Variants in HCN1 observed in about 807,000 individuals in gnomAD.
HCN1 encodes the protein hyperpolarization activated cyclic nucleotide gated potassium channel 1, also known as potassium/sodium hyperpolarization-activated cyclic nucleotide-gated channel 1.
A neutral mutation model predicts 78.9 loss-of-function variants in HCN1; 13 were observed. The ratio of observed to expected loss-of-function variants is 0.16; its 90% CI spans 0.11 to 0.26. The LOEUF (loss-of-function observed/expected upper bound fraction) is 0.26, where lower values mean the gene tolerates loss of function less well. Ranked by LOEUF, HCN1 falls within the 10% of genes least tolerant of loss-of-function variation. HCN1 has a pLI of 1.00. For missense variants in HCN1, 810 were observed against 1,154.3 expected (o/e 0.70, Z 4.32); for synonymous variants, 552 against 455.5 (o/e 1.21, Z -2.70).
At chr5:45,374,362 C>G (rs1747550278) in intron 4 of HCN1, among the ~76,000 whole-genome samples, 1 of 141,914 alleles carries the variant, frequency 7.0e-6, no homozygotes, top group African/African-American at 2.6e-5. Flanking sequence ...ACATATCCCT[C>G]AGAGAGATAT....
chr5:45,651,623 GT>G (rs1745677411), intron 1 of HCN1, among the ~76,000 whole-genome samples: 1 of 151,918 alleles, frequency 6.6e-6, no homozygotes, highest in South Asian at 2.1e-4. Flanking sequence ...TGATGATTTG[GT>G]ACATATGTTT....
chr5:45,625,060 A>C (rs557340199), intron 2 of HCN1, among the ~76,000 whole-genome samples: 1 of 152,256 alleles, frequency 6.6e-6, no homozygotes, highest in Non-Finnish European at 1.5e-5. Flanking sequence ...GTATTAAAAA[A>C]ATTCATCTGG....
intron 3 of HCN1, among the ~76,000 whole-genome samples, chr5:45,453,309 T>C (rs186242124): frequency 6.6e-6 from 1 of 152,268 alleles, no homozygotes; most frequent in East Asian, 1.9e-4. Context: ...GTTACTATTT[T>C]ATTCCAATCT....
At chr5:45,274,485 T>G (rs969133971) in intron 6 of HCN1, among the ~76,000 whole-genome samples, 3 of 152,182 alleles carry the variant, frequency 2.0e-5, no homozygotes, top group Admixed American at 1.3e-4. Flanking sequence ...AAACAGTGCC[T>G]GTAAAAGAGT....
At chr5:45,346,071 G>C (rs571995683) in intron 5 of HCN1, among the ~76,000 whole-genome samples, 1 of 152,130 alleles carries the variant, frequency 6.6e-6, no homozygotes, top group Admixed American at 6.6e-5. Context: ...AAGAAGTATC[G>C]ACCAAAAGGG....
chr5:45,396,716 A>G lies in HCN1; in HGVS notation c.1012-6T>C. 1 of 1,611,800 alleles carries G rather than the reference A, an allele frequency of 6.2e-7. No individual in the cohort carries two copies. The highest frequency in any genetic ancestry group is 8.5e-7 in the Non-Finnish European group (1 of 1,178,046). ...TGCTTTCCCCAAGAATCATTCTGCAACATAAGATAAAAAGAAAATTGACTG... is the reference window on the plus strand; with the variant it reads ...TGCTTTCCCCAAGAATCATTCTGCAGCATAAGATAAAAAGAAAATTGACTG... On this transcript the variant is annotated splice_polypyrimidine_tract_variant and splice_region_variant and intron_variant, in intron 3 of 7. Coordinates refer to ENST00000303230, the MANE Select transcript of HCN1 (RefSeq NM_021072.4).
At chr5:45,398,639 G>T (rs942094525) in intron 3 of HCN1, among the ~76,000 whole-genome samples, 1 of 152,042 alleles carries the variant, frequency 6.6e-6, no homozygotes, top group African/African-American at 2.4e-5. Flanking sequence ...ACTTGTCAAG[G>T]CCGTGCAAAA....
chr5:45,663,134 G>C (rs1001282676), intron 1 of HCN1, among the ~76,000 whole-genome samples: 10 of 146,582 alleles, frequency 6.8e-5, no homozygotes, highest in Non-Finnish European at 1.4e-4. Flanking sequence ...ACAGAACAGA[G>C]CCCTCAGAAA....
At chr5:45,376,930 C>G (rs1045286517) in intron 4 of HCN1, among the ~76,000 whole-genome samples, 7 of 151,858 alleles carry the variant, frequency 4.6e-5, no homozygotes, top group Non-Finnish European at 7.4e-5. Context: ...AACCACTGGT[C>G]TAGAATAAGA....
chr5:45,267,867 G>A (rs1213116820), intron 6 of HCN1, among the ~76,000 whole-genome samples: 1 of 151,768 alleles, frequency 6.6e-6, no homozygotes, highest in African/African-American at 2.4e-5. Flanking sequence ...CCAATCCTCT[G>A]AAATAAGAAA....
Position 45,258,562 on chromosome 5 carries a change from T to C in HCN1, c.*3359A>G, listed in dbSNP as rs1744667640. On this transcript the variant is annotated 3_prime_UTR_variant, in exon 8 of 8. Coordinates refer to ENST00000303230, the MANE Select transcript of HCN1 (RefSeq NM_021072.4). ...AATGCTTCACTACTTATTCTCATTA[T>C]GATAAACTCTATCTCAGGCTTTTAG... 6.6e-6 allele frequency: 1 copy of C among 152,152 alleles called. No homozygotes were observed. Among genetic ancestry groups the C allele is most frequent in the African/African-American group, 2.4e-5 (1 of 41,466 alleles). The allele number at this position is 152,152 out of a possible 1,614,324, so 9.4% of individuals were successfully genotyped here.
intron 5 of HCN1, among the ~76,000 whole-genome samples, chr5:45,344,617 T>C (rs954990561): frequency 6.6e-6 from 1 of 152,318 alleles, no homozygotes; most frequent in South Asian, 2.1e-4. Flanking sequence ...AAAGGCCTCA[T>C]GCAAATCCAA....
chr5:45,337,469 C>T (rs894057955), intron 5 of HCN1, among the ~76,000 whole-genome samples: 1 of 152,240 alleles, frequency 6.6e-6, no homozygotes, highest in African/African-American at 2.4e-5. Flanking sequence ...CACTACTGTT[C>T]TCTTGGCAAA....
At chr5:45,376,245 C>A (rs199893316) in intron 4 of HCN1, among the ~76,000 whole-genome samples, 4 of 4,208 alleles carry the variant, frequency 9.5e-4, no homozygotes, top group African/African-American at 2.0e-3. Context: ...TCTATATATT[C>A]TATATAGAAT....
chr5:45,652,852 C>T (rs1580020830), intron 1 of HCN1, among the ~76,000 whole-genome samples: 1 of 151,896 alleles, frequency 6.6e-6, no homozygotes, highest in East Asian at 1.9e-4. Flanking sequence ...GATTACTTGC[C>T]CAGCTCTATA....
chr5:45,584,780 C>T (rs1417766047), intron 2 of HCN1, among the ~76,000 whole-genome samples: 1 of 152,106 alleles, frequency 6.6e-6, no homozygotes, highest in East Asian at 1.9e-4. Context: ...ATTTCTCCTT[C>T]ACTTATGAAG....
At position 45,261,846 on chromosome 5, in the gene HCN1, G is replaced by A; in HGVS notation, c.*75C>T. 6.3e-7 allele frequency: 1 copy of A among 1,578,940 alleles called. No homozygotes were observed. Among genetic ancestry groups the A allele is most frequent in the South Asian group, 1.1e-5 (1 of 89,736 alleles). ...AGTAGGCTAGAGGGATCTATCAGGA[G>A]ATAGAATAAAATAAGATCTGAGTAT... On this transcript the variant is annotated 3_prime_UTR_variant, in exon 8 of 8. Coordinates refer to ENST00000303230, the MANE Select transcript of HCN1 (RefSeq NM_021072.4).
chr5:45,318,213 C>T (rs1266235786), intron 5 of HCN1, among the ~76,000 whole-genome samples: 2 of 152,132 alleles, frequency 1.3e-5, no homozygotes, highest in African/African-American at 2.4e-5. Context: ...GGCACATATA[C>T]ACCATGGAAT....
intron 2 of HCN1, among the ~76,000 whole-genome samples, chr5:45,546,824 T>C (rs1743240244): frequency 6.6e-6 from 1 of 151,892 alleles, no homozygotes; most frequent in Non-Finnish European, 1.5e-5. Flanking sequence ...TCTTGTAACA[T>C]GGCAGTTCAA....
Sources: allele counts gnomAD v4.1 joint callset (sites outside exome capture counted in the v4.1 genomes callset), GRCh38; gene constraint gnomAD v4.1.1; transcripts MANE v1.5; gene names NCBI Gene and HGNC (gene_info 2026-07-23, HGNC 2026-07-21).